TYW1: variants seen among roughly 807,000 people sequenced by gnomAD.
The protein encoded by TYW1 is S-adenosyl-L-methionine-dependent tRNA 4-demethylwyosine synthase TYW1.
TYW1 carries 46 observed loss-of-function variants against 96.2 expected under a neutral mutation model. That is an observed-to-expected ratio of 0.48 (90% CI 0.38 to 0.61). TYW1 has a LOEUF of 0.61. Among genes scored for constraint, TYW1 ranks in the 20% least tolerant of loss-of-function variants. The pLI is 0.00. For synonymous variants in TYW1, 274 were observed against 323.0 expected (o/e 0.85, Z 1.63); for missense variants, 684 against 909.6 (o/e 0.75, Z 3.19).
rs1316165109 is a variant in TYW1, at chr7:67,238,538, G to C, written c.*9G>C. ...CTATTTCTGGATGTTGAGATTATCT[G>C]ATTTCAAGGTACTGAAGGACAAAAA... On this transcript the variant is annotated 3_prime_UTR_variant, in exon 16 of 16. Transcript: ENST00000359626. 1 of 1,607,608 alleles carries C rather than the reference G, an allele frequency of 6.2e-7. No individual in the cohort carries two copies. The highest frequency in any genetic ancestry group is 1.1e-5 in the South Asian group (1 of 90,332).
intron 7 of TYW1, among the ~76,000 whole-genome samples, chr7:67,047,160 G>A (rs1795212115): frequency 6.6e-6 from 1 of 152,148 alleles, no homozygotes; most frequent in South Asian, 2.1e-4. Flanking sequence ...ATAAAGACTT[G>A]CTATAGAATT....
chr7:67,060,088 T>G (rs1795650614), intron 9 of TYW1, among the ~76,000 whole-genome samples: 2 of 150,542 alleles, frequency 1.3e-5, no homozygotes, highest in Non-Finnish European at 3.0e-5. Context: ...GTTATGTTTT[T>G]TTTTTGAGAC....
intron 7 of TYW1, among the ~76,000 whole-genome samples, chr7:67,029,435 A>C (rs1244030406): frequency 1.4e-5 from 2 of 146,666 alleles, no homozygotes; most frequent in Admixed American, 7.0e-5. Flanking sequence ...ATATATATAA[A>C]TAGTATTTTC....
intron 15 of TYW1, 101 bp from the exon 16 acceptor site, chr7:67,238,207 A>T (rs576421399): frequency 6.6e-7 from 1 of 1,525,160 alleles, no homozygotes; most frequent in Admixed American, 2.2e-5. Flanking sequence ...TCTTGACGTG[A>T]TAGGGAGAAA....
At chr7:67,067,180 T>C (rs975985056) in intron 9 of TYW1, 105 bp from the exon 10 acceptor site, 8 of 1,293,546 alleles carry the variant, frequency 6.2e-6, no homozygotes, top group Non-Finnish European at 8.9e-6. Context: ...AGTAGGAGTA[T>C]TCATGGTTAC....
At chr7:67,032,885 CTTTTTTTT>C (rs778743156) in intron 7 of TYW1, among the ~76,000 whole-genome samples, 34 of 76,274 alleles carry the variant, frequency 4.5e-4, no homozygotes, top group African/African-American at 1.7e-3. Context: ...AGAAGTATAC[CTTTTTTTT>C]TTTTTTTTTT....
intron 8 of TYW1, 64 bp downstream of exon 8, chr7:67,050,130 G>A: frequency 1.3e-6 from 2 of 1,564,446 alleles, no homozygotes; most frequent in Non-Finnish European, 8.8e-7. Flanking sequence ...TTGATACCTG[G>A]AATGAAGTCT....
At position 67,009,680 on chromosome 7, in the gene TYW1, A is replaced by G; in HGVS notation, c.371A>G (p.Glu124Gly). 1 of 1,599,984 alleles carries G rather than the reference A, an allele frequency of 6.3e-7. No homozygotes were observed. The highest frequency in any genetic ancestry group is 1.8e-5 in the Admixed American group (1 of 56,590). The stretch of plus-strand genomic sequence containing the variant: ...TATGATCCAGATGATCATCTGATAG[A>G]AGAGGTTGGTAATTGTCTTTTTCTT... ...KEYDPDDHLI[E>G]EVTSKNVCVF... Residue 124 changes from glutamate to glycine, a missense_variant, in exon 4 of 16, where the codon GAA becomes GGA. Transcript: ENST00000359626.
At chr7:67,172,440 A>G (rs1799545468) in intron 13 of TYW1, among the ~76,000 whole-genome samples, 2 of 115,590 alleles carry the variant, frequency 1.7e-5, no homozygotes, top group Admixed American at 8.5e-5. Context: ...CTTTTTTTTG[A>G]GATGGAGTCT....
chr7:67,006,022 A>G (rs1264823857), intron 3 of TYW1, among the ~76,000 whole-genome samples: 1 of 151,964 alleles, frequency 6.6e-6, no homozygotes, highest in Non-Finnish European at 1.5e-5. Context: ...TCTGTTTTGC[A>G]TTGCCATAAA....
In TYW1 at chr7:67,036,085, C is replaced by T. The variant is rs533583491; in HGVS notation, c.984+11063C>T. Among the ~76,000 whole-genome samples, 12 of 143,844 alleles carry T rather than the reference C, an allele frequency of 8.3e-5. 1 individual carries two copies. The highest frequency in any genetic ancestry group is 4.4e-4 in the Admixed American group (6 of 13,788). 94.4% of individuals were successfully genotyped at this position (143,844 alleles called of 152,430 possible). A position where few individuals can be genotyped will look rare whatever the true frequency, so the allele number is the denominator to read the frequency against. ...GTTTAGCATCAGTCTTTAATGCTGT[C>T]GCGCTGCATCGACAACTCACACACT... On this transcript the variant is annotated intron_variant, in intron 7 of 15. Coordinates refer to ENST00000359626, the MANE Select transcript of TYW1 (RefSeq NM_018264.4).
chr7:67,072,186 T>C (rs1418839433), intron 10 of TYW1, among the ~76,000 whole-genome samples: 1 of 150,344 alleles, frequency 6.7e-6, no homozygotes, highest in African/African-American at 2.5e-5. Flanking sequence ...TCAACTATAA[T>C]TTTTTTCTTA....
At chr7:67,127,202 A>G (rs1407712674) in intron 13 of TYW1, among the ~76,000 whole-genome samples, 2 of 149,154 alleles carry the variant, frequency 1.3e-5, no homozygotes, top group African/African-American at 2.5e-5. Flanking sequence ...TCTGTCATCC[A>G]GGCTGGAGTT....
At chr7:67,227,265 TA>T (rs67238353) in intron 15 of TYW1, among the ~76,000 whole-genome samples, 39,839 of 151,656 alleles carry the variant, frequency 0.26, 5,523 homozygotes, top group African/African-American at 0.34. Context: ...TTATTATTAT[TA>T]TTTTTTTGAG....
intron 8 of TYW1, among the ~76,000 whole-genome samples, chr7:67,051,001 C>G (rs1795338725): frequency 6.6e-6 from 1 of 151,816 alleles, no homozygotes; most frequent in African/African-American, 2.4e-5. Flanking sequence ...AAGTGATTCT[C>G]CTGCTTTAGC....
chr7:67,234,903 A>G (rs1801836766), intron 15 of TYW1, among the ~76,000 whole-genome samples: 2 of 151,528 alleles, frequency 1.3e-5, no homozygotes, highest in African/African-American at 4.9e-5. Context: ...GTGTGTGTAT[A>G]TTTGCGTGTA....
rs1302229314 is a variant in TYW1, at chr7:67,029,410, T to TATATATATACATATATATATATATAC, written c.984+4388_984+4389insATATATATACATATATATATATATAC. Reference sequence around the variant, plus strand: ...GTGTGTGTGTGTGTGTGTGTGTGTGTGTGTGTATATATATATATATATAAA... The same window carrying TATATATATACATATATATATATATAC: ...GTGTGTGTGTGTGTGTGTGTGTGTGTATATATATACATATATATATATATACGTGTGTATATATATATATATATAAA... On this transcript the variant is annotated intron_variant, in intron 7 of 15. Transcript: ENST00000359626. Among the ~76,000 whole-genome samples, 54 of 130,234 alleles carry TATATATATACATATATATATATATAC rather than the reference T, an allele frequency of 4.1e-4. 3 individuals carry two copies. The highest frequency in any genetic ancestry group is 4.3e-3 in the Middle Eastern group (1 of 230). The allele number at this position is 130,234 out of a possible 152,430, so 85.4% of individuals were successfully genotyped here.
intron 12 of TYW1, among the ~76,000 whole-genome samples, chr7:67,114,996 C>T (rs1336043775): frequency 7.2e-5 from 11 of 152,064 alleles, no homozygotes; most frequent in African/African-American, 2.7e-4. Context: ...AGTGTAGCAT[C>T]TCAGACATCT....
At chr7:67,180,409 TATATATATATATATAA>T (rs1799801000) in intron 13 of TYW1, among the ~76,000 whole-genome samples, 80 of 105,516 alleles carry the variant, frequency 7.6e-4, no homozygotes, top group African/African-American at 3.5e-3. Flanking sequence ...TATATATTTA[TATATATATATATATAA>T]TTTTTTTTTT....
Sources: gnomAD v4.1 joint callset for allele counts (sites outside exome capture counted in the v4.1 genomes callset) on GRCh38, gnomAD v4.1.1 for gene constraint, MANE v1.5 for transcripts, NCBI Gene and HGNC (gene_info 2026-07-23, HGNC 2026-07-21) for gene names.